The following GUCY1A2 variants were observed in gnomAD, a reference collection of about 807,000 sequenced individuals.
GUCY1A2 encodes the protein guanylate cyclase 1 soluble subunit alpha 2, also known as guanylate cyclase soluble subunit alpha-2.
A neutral mutation model predicts 63.5 loss-of-function variants in GUCY1A2; 27 were observed. That is an observed-to-expected ratio of 0.43 (90% confidence interval 0.31 to 0.59). GUCY1A2 has a LOEUF of 0.59. GUCY1A2 is among the 20% of genes least tolerant of loss of function. The pLI, the probability that GUCY1A2 is intolerant of heterozygous loss-of-function variation, is 0.11. For synonymous variants in GUCY1A2, 364 were observed against 343.5 expected (o/e 1.06, Z -0.66); for missense variants, 768 against 913.3 (o/e 0.84, Z 2.05).
chr11:106,766,341 CATG>C (rs1427553004), intron 6 of GUCY1A2, among the ~76,000 whole-genome samples: 1 of 152,062 alleles, frequency 6.6e-6, no homozygotes, highest in Non-Finnish European at 1.5e-5. Flanking sequence ...CACTGTGTGT[CATG>C]ATATTACCAA....
intron 7 of GUCY1A2, among the ~76,000 whole-genome samples, chr11:106,696,412 T>C (rs1236513627): frequency 1.3e-5 from 2 of 152,204 alleles, no homozygotes; most frequent in Non-Finnish European, 2.9e-5. Context: ...CAAAAGTCTT[T>C]CTTAAAAACA....
intron 6 of GUCY1A2, among the ~76,000 whole-genome samples, chr11:106,766,623 T>G (rs1249232391): frequency 6.6e-6 from 1 of 151,994 alleles, no homozygotes; most frequent in Non-Finnish European, 1.5e-5. Context: ...AGATATGAGA[T>G]CTCAAAACAA....
At chr11:106,695,995 T>A (rs1295447904) in intron 7 of GUCY1A2, among the ~76,000 whole-genome samples, 3 of 152,066 alleles carry the variant, frequency 2.0e-5, no homozygotes, top group African/African-American at 7.2e-5. Flanking sequence ...CCCCTGCACA[T>A]TTTTTCTGCA....
intron 4 of GUCY1A2, among the ~76,000 whole-genome samples, chr11:106,906,489 G>C (rs532226457): frequency 2.0e-4 from 31 of 151,798 alleles, no homozygotes; most frequent in African/African-American, 7.5e-4. Context: ...TACACTGTTG[G>C]TGGGAGTGTA....
chr11:106,872,774 C>T (rs1029612030), intron 4 of GUCY1A2, among the ~76,000 whole-genome samples: 2 of 152,158 alleles, frequency 1.3e-5, no homozygotes, highest in African/African-American at 4.8e-5. Flanking sequence ...CATACCAACA[C>T]AAAAGCTGTT....
intron 4 of GUCY1A2, among the ~76,000 whole-genome samples, chr11:106,888,101 C>T (rs1010537532): frequency 6.6e-6 from 1 of 152,090 alleles, no homozygotes; most frequent in Non-Finnish European, 1.5e-5. Flanking sequence ...TGTGCCTACA[C>T]AGGGCACAGA....
intron 4 of GUCY1A2, among the ~76,000 whole-genome samples, chr11:106,858,729 T>A (rs1160160035): frequency 6.6e-6 from 1 of 152,082 alleles, no homozygotes; most frequent in Non-Finnish European, 1.5e-5. Flanking sequence ...TATCAAATAT[T>A]GTTCTAGGCC....
At chr11:106,714,738 C>G (rs578054121) in intron 6 of GUCY1A2, among the ~76,000 whole-genome samples, 1 of 148,500 alleles carries the variant, frequency 6.7e-6, no homozygotes, top group African/African-American at 2.5e-5. Context: ...ATTTTTGATT[C>G]TCACAACTGG....
intron 6 of GUCY1A2, among the ~76,000 whole-genome samples, chr11:106,723,803 A>G (rs1213915763): frequency 6.6e-6 from 1 of 152,182 alleles, no homozygotes; most frequent in Non-Finnish European, 1.5e-5. Flanking sequence ...CAGCCTGGGC[A>G]ACAAGAGCGA....
At chr11:106,741,724 A>C (rs1022371263) in intron 6 of GUCY1A2, among the ~76,000 whole-genome samples, 2 of 152,194 alleles carry the variant, frequency 1.3e-5, no homozygotes, top group African/African-American at 4.8e-5. Flanking sequence ...ATTTAGAAAA[A>C]AGTTTACAAT....
chr11:106,898,782 T>A (rs914506194), intron 4 of GUCY1A2, among the ~76,000 whole-genome samples: 3 of 152,176 alleles, frequency 2.0e-5, no homozygotes, highest in African/African-American at 7.2e-5. Flanking sequence ...GGTGGACATG[T>A]CATTATACAT....
In GUCY1A2 at chr11:106,677,944, AG is replaced by A; in HGVS notation, c.*9604del. ...TTTAGACAGAATAAAATTGTTTTTA[AG>A]GATCAAATGAAAAAGCAATGAGCAC... is the stretch of plus-strand genomic sequence containing the variant. On this transcript the variant is annotated 3_prime_UTR_variant, in exon 8 of 8. Coordinates refer to ENST00000526355, the MANE Select transcript of GUCY1A2 (RefSeq NM_000855.3). 1 of 201,120 alleles carries A rather than the reference AG, an allele frequency of 5.0e-6. No homozygotes were observed. Among genetic ancestry groups the A allele is most frequent in the Non-Finnish European group, 1.0e-5 (1 of 97,506 alleles). 12.5% of individuals were successfully genotyped at this position (201,120 alleles called of 1,614,324 possible).
At chr11:106,981,770 T>C (rs928980462) in intron 2 of GUCY1A2, among the ~76,000 whole-genome samples, 33 of 151,692 alleles carry the variant, frequency 2.2e-4, no homozygotes, top group South Asian at 4.2e-4. Context: ...AAAAAGATGT[T>C]CTCTGTGAGA....
At chr11:106,944,374 C>A (rs1860797936) in intron 3 of GUCY1A2, among the ~76,000 whole-genome samples, 1 of 151,904 alleles carries the variant, frequency 6.6e-6, no homozygotes, top group Admixed American at 6.6e-5. Flanking sequence ...TGAGCCCAAG[C>A]AAGTCTAGGC....
At chr11:106,695,903 A>T (rs981047991) in intron 7 of GUCY1A2, among the ~76,000 whole-genome samples, 4 of 152,200 alleles carry the variant, frequency 2.6e-5, no homozygotes, top group Non-Finnish European at 5.9e-5. Flanking sequence ...ATTCAGGCCA[A>T]TAAGTTCTCC....
chr11:106,743,280 C>T (rs947785719), intron 6 of GUCY1A2, among the ~76,000 whole-genome samples: 1 of 152,078 alleles, frequency 6.6e-6, no homozygotes, highest in Admixed American at 6.6e-5. Flanking sequence ...AGGTACCTTC[C>T]CGCTTGAAAA....
chr11:106,774,840 TTTG>T (rs1398632882), intron 6 of GUCY1A2, among the ~76,000 whole-genome samples: 1 of 152,230 alleles, frequency 6.6e-6, no homozygotes, highest in African/African-American at 2.4e-5. Context: ...ACTTGTCCAC[TTTG>T]TTCTCTCTTC....
intron 6 of GUCY1A2, among the ~76,000 whole-genome samples, chr11:106,727,144 G>A (rs1863421750): frequency 1.3e-5 from 2 of 152,184 alleles, no homozygotes; most frequent in Admixed American, 1.3e-4. Flanking sequence ...GAGGTAAAGT[G>A]TGGAAAAAAG....
intron 6 of GUCY1A2, among the ~76,000 whole-genome samples, chr11:106,750,741 A>T (rs919189763): frequency 3.3e-5 from 5 of 151,994 alleles, no homozygotes; most frequent in Non-Finnish European, 2.9e-5. Context: ...GATGTAAAAA[A>T]AAAATTATGT....
Sources: gnomAD v4.1 joint callset for allele counts (sites outside exome capture counted in the v4.1 genomes callset) on GRCh38, gnomAD v4.1.1 for gene constraint, MANE v1.5 for transcripts, NCBI Gene and HGNC (gene_info 2026-07-23, HGNC 2026-07-21) for gene names.